FBXO21: variants seen among roughly 807,000 people sequenced by gnomAD.
FBXO21 encodes the protein F-box only protein 21.
A neutral mutation model predicts 76.6 loss-of-function variants in FBXO21; 32 were observed. The ratio of observed to expected loss-of-function variants is 0.42; its 90% CI spans 0.32 to 0.56. The LOEUF is 0.56. Ranked by LOEUF, FBXO21 falls within the 20% of genes least tolerant of loss-of-function variation. The pLI is 0.16. For synonymous variants in FBXO21, 328 were observed against 311.5 expected, an observed-to-expected ratio of 1.05 and a Z score of -0.56; for missense variants, 586 against 797.3, an observed-to-expected ratio of 0.73 and a Z score of 3.19.
intron 7 of FBXO21, among the ~76,000 whole-genome samples, chr12:117,170,976 G>A (rs1488063540): frequency 6.6e-6 from 1 of 152,138 alleles, no homozygotes; most frequent in Non-Finnish European, 1.5e-5. Context: ...AAACCATGCA[G>A]TACATCCTCA....
chr12:117,175,038 G>A (rs1180064307), intron 4 of FBXO21, among the ~76,000 whole-genome samples: 1 of 151,856 alleles, frequency 6.6e-6, no homozygotes, highest in African/African-American at 2.4e-5. Flanking sequence ...AGAAGTCATG[G>A]ACTAAAAAAC....
Position 117,189,247 on chromosome 12 carries a change from T to C in FBXO21, c.355A>G (p.Lys119Glu), listed in dbSNP as rs1291460002. The C allele has an allele frequency of 1.9e-6, 3 of 1,614,196 alleles. No individual in the cohort carries two copies. Among genetic ancestry groups the C allele is most frequent in the East Asian group, 4.5e-5 (2 of 44,890 alleles). The part of the protein sequence containing the change: ...EARKIVASFS[K>E]RFFSEHVPCN... ...CTTACGTGCTCTGAAAAGAACCTCT[T>C]TGAGAACGAGGCTACAATCTTCCGC... Residue 119 changes from lysine to glutamate, a missense_variant, in exon 2 of 12, where the codon AAG becomes GAG. Coordinates refer to ENST00000622495, the MANE Select transcript of FBXO21 (RefSeq NM_015002.3).
intron 2 of FBXO21, among the ~76,000 whole-genome samples, chr12:117,188,089 G>A (rs142418056): frequency 1.8e-3 from 268 of 152,262 alleles, no homozygotes; most frequent in African/African-American, 6.4e-3. Flanking sequence ...TAAAATTAGA[G>A]AATCCAAAGG....
rs1956156677 is a variant in FBXO21, at chr12:117,174,733, G to A, written c.657C>T (p.Ala219=). Reference sequence around the variant, plus strand: ...CAAGCTCCACGATGCTGTCAATTTGGGCCTGGATGTCTTTGAGGCTGATGT... The same window carrying A: ...CAAGCTCCACGATGCTGTCAATTTGAGCCTGGATGTCTTTGAGGCTGATGT... ...LSDISLKDIQ[A]QIDSIVELVC... is the part of the protein sequence containing the mutation. Residue 219 remains alanine, a synonymous_variant, in exon 5 of 12, where the codon GCC becomes GCT. Transcript: ENST00000622495. 1 of 1,614,016 alleles carries A rather than the reference G, an allele frequency of 6.2e-7. No homozygotes were observed. Among genetic ancestry groups the A allele is most frequent in the African/African-American group, 1.3e-5 (1 of 74,900 alleles).
chr12:117,146,426 T>C, intron 11 of FBXO21, 149 bp from the exon 12 acceptor site: 1 of 647,594 alleles, frequency 1.5e-6, no homozygotes, highest in Non-Finnish European at 2.6e-6. Flanking sequence ...CAGGAGAGGG[T>C]AATGGGAAAA....
chr12:117,180,482 T>G (rs1956216693), intron 3 of FBXO21, among the ~76,000 whole-genome samples: 1 of 152,230 alleles, frequency 6.6e-6, no homozygotes, highest in South Asian at 2.1e-4. Flanking sequence ...TATCTATGTC[T>G]TCTTTATTCC....
Position 117,174,341 on chromosome 12 carries a change from C to T in FBXO21, c.740G>A (p.Gly247Asp), listed in dbSNP as rs778883551. ...SRHPSLAFKA[G>D]ESSMIMEIEL... ...TATTTCCATTATCATGGATGATTCA[C>T]CTGAAACACAGAGATCTACTCTGGG... Residue 247 changes from glycine (G) to aspartate (D), a missense_variant and splice_region_variant, in exon 6 of 12, where the codon GGT becomes GAT. Coordinates refer to ENST00000622495, the MANE Select transcript of FBXO21 (RefSeq NM_015002.3). 4 of 1,613,930 alleles carry T rather than the reference C, an allele frequency of 2.5e-6. No individual in the cohort carries two copies. The highest frequency in any genetic ancestry group is 2.5e-6 in the Non-Finnish European group (3 of 1,179,960).
chr12:117,147,597 C>CAAAA (rs57318190), intron 11 of FBXO21, among the ~76,000 whole-genome samples: 3,558 of 87,082 alleles, frequency 0.041, 149 homozygotes, highest in Non-Finnish European at 0.065. Flanking sequence ...GACTCCATCT[C>CAAAA]AAAAAAAAAA....
At chr12:117,173,897 G>C (rs570079921) in intron 6 of FBXO21, among the ~76,000 whole-genome samples, 5 of 152,074 alleles carry the variant, frequency 3.3e-5, no homozygotes, top group Non-Finnish European at 5.9e-5. Context: ...TAATCCCAGC[G>C]CTTTGGGAGG....
intron 7 of FBXO21, among the ~76,000 whole-genome samples, chr12:117,169,288 C>T (rs1956092897): frequency 6.6e-6 from 1 of 152,112 alleles, no homozygotes. Context: ...CACATGGACC[C>T]AGAGTGGAAC....
At chr12:117,189,183 AC>A (rs764513710) in intron 2 of FBXO21, 43 bp downstream of exon 2, 1 of 1,613,516 alleles carries the variant, frequency 6.2e-7, no homozygotes, top group Non-Finnish European at 8.5e-7. Flanking sequence ...CCAGACACAT[AC>A]ACCAGCAAGC....
chr12:117,177,499 C>T, intron 4 of FBXO21, 21 bp downstream of exon 4: 1 of 1,608,346 alleles, frequency 6.2e-7, no homozygotes. Flanking sequence ...CTACTGTCCA[C>T]ATATATGGGA....
intron 3 of FBXO21, among the ~76,000 whole-genome samples, chr12:117,179,565 C>T (rs1038509647): frequency 6.6e-6 from 1 of 152,004 alleles, no homozygotes; most frequent in Non-Finnish European, 1.5e-5. Flanking sequence ...TTAACATGTT[C>T]TTCTGTCTTC....
chr12:117,158,117 T>C (rs1463297255), intron 9 of FBXO21, 54 bp from the exon 10 acceptor site: 1 of 1,605,486 alleles, frequency 6.2e-7, no homozygotes, highest in African/African-American at 1.3e-5. Flanking sequence ...AGGCCTTTTC[T>C]TTTTTGCGGC....
chr12:117,155,740 G>T, intron 11 of FBXO21, 51 bp downstream of exon 11: 1 of 1,566,890 alleles, frequency 6.4e-7, no homozygotes. Context: ...TCAAACGTGC[G>T]CTGAAAACAC....
At chr12:117,188,844 AAAC>A in intron 2 of FBXO21, 1 of 197,488 alleles carries the variant, frequency 5.1e-6, no homozygotes, top group Non-Finnish European at 1.1e-5. Context: ...CCTTCTGGGA[AAAC>A]AACCGGGAGA....
In FBXO21 at chr12:117,189,248, T is replaced by C; in HGVS notation, c.354A>G (p.Ser118=). 6.2e-7 allele frequency: 1 copy of C among 1,614,190 alleles called. No individual in the cohort carries two copies. The highest frequency in any genetic ancestry group is 2.2e-5 in the East Asian group (1 of 44,886). Residue 118 remains serine, a synonymous_variant, in exon 2 of 12, where the codon TCA becomes TCG. Transcript: ENST00000622495. ...LEARKIVASF[S]KRFFSEHVPC... is the part of the protein sequence containing the mutation. ...TTACGTGCTCTGAAAAGAACCTCTT[T>C]GAGAACGAGGCTACAATCTTCCGCG... is the stretch of plus-strand genomic sequence containing the variant.
At chr12:117,155,503 G>A in intron 11 of FBXO21, 2 of 450,672 alleles carry the variant, frequency 4.4e-6, no homozygotes, top group Non-Finnish European at 8.2e-6. Context: ...CAGGAGGCAG[G>A]ACTTACAGGA....
chr12:117,174,516 C>A, intron 5 of FBXO21, 135 bp downstream of exon 5: 1 of 1,223,856 alleles, frequency 8.2e-7, no homozygotes, highest in South Asian at 1.4e-5. Flanking sequence ...AACACTTCAA[C>A]CAGGTAAACA....
Sources: allele counts gnomAD v4.1 joint callset (sites outside exome capture counted in the v4.1 genomes callset), GRCh38; gene constraint gnomAD v4.1.1; transcripts MANE v1.5; gene names NCBI Gene and HGNC (gene_info 2026-07-23, HGNC 2026-07-21).